The following ARHGEF3 variants were observed in gnomAD, a reference collection of about 807,000 sequenced individuals.
ARHGEF3 encodes Rho guanine nucleotide exchange factor 3, also known as 59.8 kDA protein.
Under a neutral mutation model 63.2 loss-of-function variants are expected in ARHGEF3, and 28 were observed. The observed-to-expected ratio is 0.44, with a 90% CI of 0.33 to 0.61. ARHGEF3 has a LOEUF of 0.61. ARHGEF3 is among the 20% of genes least tolerant of loss of function. ARHGEF3 has a pLI of 0.03. For synonymous variants in ARHGEF3, 266 were observed against 254.2 expected, an observed-to-expected ratio of 1.05 and a Z score of -0.44; for missense variants, 533 against 659.3, an observed-to-expected ratio of 0.81 and a Z score of 2.10.
At chr3:56,774,795 A>G (rs1188694259) in intron 1 of ARHGEF3, among the ~76,000 whole-genome samples, 2 of 151,996 alleles carry the variant, frequency 1.3e-5, no homozygotes, top group Non-Finnish European at 2.9e-5. Flanking sequence ...GCTACTCGGG[A>G]GGCGTGGGAT....
intron 1 of ARHGEF3, among the ~76,000 whole-genome samples, chr3:57,072,759 A>T (rs933424564): frequency 6.6e-6 from 1 of 151,628 alleles, no homozygotes; most frequent in Non-Finnish European, 1.5e-5. Context: ...AAAATAAATA[A>T]AAACAAGCCA....
At chr3:56,948,665 A>C (rs1699643424) in intron 3 of ARHGEF3, among the ~76,000 whole-genome samples, 1 of 152,228 alleles carries the variant, frequency 6.6e-6, no homozygotes, top group Admixed American at 6.5e-5. Flanking sequence ...AAAGTCCAGG[A>C]CCAGATGGAT....
At chr3:56,799,458 T>A (rs2037534679) in intron 1 of ARHGEF3, among the ~76,000 whole-genome samples, 1 of 152,224 alleles carries the variant, frequency 6.6e-6, no homozygotes, top group Non-Finnish European at 1.5e-5. Context: ...GATCTATTTT[T>A]CTTTTTATTA....
At chr3:56,927,377 C>T (rs1470460259) in intron 3 of ARHGEF3, among the ~76,000 whole-genome samples, 1 of 152,180 alleles carries the variant, frequency 6.6e-6, no homozygotes, top group Non-Finnish European at 1.5e-5. Flanking sequence ...TAAGTGCTGA[C>T]AATGGCTAGG....
At chr3:57,050,492 AAGAG>A (rs1349720072) in intron 1 of ARHGEF3, among the ~76,000 whole-genome samples, 1 of 151,772 alleles carries the variant, frequency 6.6e-6, no homozygotes, top group African/African-American at 2.4e-5. Context: ...AAGATAAAGA[AAGAG>A]AGAAAGAGAG....
At chr3:56,877,504 G>A (rs2040625974) in intron 4 of ARHGEF3, among the ~76,000 whole-genome samples, 1 of 151,178 alleles carries the variant, frequency 6.6e-6, no homozygotes, top group African/African-American at 2.4e-5. Flanking sequence ...CCCAAGTAGC[G>A]GCGACTACAG....
intron 3 of ARHGEF3, among the ~76,000 whole-genome samples, chr3:56,885,315 C>T (rs1284181956): frequency 6.6e-6 from 1 of 152,042 alleles, no homozygotes; most frequent in Non-Finnish European, 1.5e-5. Flanking sequence ...TAATGCCTTC[C>T]AGGTTAGGGT....
intron 3 of ARHGEF3, among the ~76,000 whole-genome samples, chr3:56,892,357 C>A (rs1479623100): frequency 6.6e-6 from 1 of 152,152 alleles, no homozygotes; most frequent in Non-Finnish European, 1.5e-5. Context: ...ATTGCATTAA[C>A]CAGAGCACTT....
At chr3:57,064,308 C>CT (rs138078621) in intron 1 of ARHGEF3, among the ~76,000 whole-genome samples, 34 of 149,152 alleles carry the variant, frequency 2.3e-4, no homozygotes, top group Non-Finnish European at 3.4e-4. Context: ...GAAATTCTTT[C>CT]TTTTTTTTTT....
intron 2 of ARHGEF3, among the ~76,000 whole-genome samples, chr3:56,966,297 A>G (rs1267190814): frequency 6.6e-6 from 1 of 152,244 alleles, no homozygotes; most frequent in Non-Finnish European, 1.5e-5. Flanking sequence ...ATACAGAATT[A>G]GGTCTGTATA....
At chr3:56,914,123 AG>A (rs544601582) in intron 3 of ARHGEF3, among the ~76,000 whole-genome samples, 141 of 152,296 alleles carry the variant, frequency 9.3e-4, no homozygotes, top group Admixed American at 2.4e-3. Context: ...TGGGGACTTG[AG>A]GGGAAGGGTG....
At chr3:56,888,773 T>G (rs916256603) in intron 3 of ARHGEF3, among the ~76,000 whole-genome samples, 2 of 151,976 alleles carry the variant, frequency 1.3e-5, no homozygotes, top group Non-Finnish European at 2.9e-5. Context: ...CATGATTGTG[T>G]GCACCTGTAA....
chr3:56,929,181 C>G (rs1465310500), intron 3 of ARHGEF3, among the ~76,000 whole-genome samples: 1 of 152,104 alleles, frequency 6.6e-6, no homozygotes, highest in East Asian at 1.9e-4. Context: ...TGGGGGATAC[C>G]AGAGTTTTTA....
rs559782890 is a variant in ARHGEF3, at chr3:56,962,550, A to G, written c.63-3661T>C. Among the ~76,000 whole-genome samples, 25 of 152,314 alleles carry G rather than the reference A, an allele frequency of 1.6e-4. No individual in the cohort carries two copies. In the South Asian group the frequency reaches 4.8e-3, roughly 29 times the overall value. On this transcript the variant is annotated intron_variant, in intron 2 of 12. Transcript: ENST00000338458. Reference sequence around the variant, plus strand: ...TTCCCAGTGTCTCACAGATGTCACAAGGATAAGTATGACCACTTCCATAGA... The same window carrying G: ...TTCCCAGTGTCTCACAGATGTCACAGGGATAAGTATGACCACTTCCATAGA...
At chr3:57,065,365 G>C (rs1705470848) in intron 1 of ARHGEF3, among the ~76,000 whole-genome samples, 1 of 152,100 alleles carries the variant, frequency 6.6e-6, no homozygotes, top group African/African-American at 2.4e-5. Flanking sequence ...GGAGGATGAG[G>C]CAGGAGAATC....
chr3:56,850,068 C>T (rs72867785), intron 4 of ARHGEF3, among the ~76,000 whole-genome samples: 1,525 of 152,246 alleles, frequency 0.01, 19 homozygotes, highest in South Asian at 0.05. Context: ...TAACACACAG[C>T]CCGAGCCTTA....
At chr3:56,959,363 C>T (rs559096393) in intron 2 of ARHGEF3, among the ~76,000 whole-genome samples, 3 of 152,210 alleles carry the variant, frequency 2.0e-5, no homozygotes, top group South Asian at 2.1e-4. Flanking sequence ...TTAGCCCCCG[C>T]GTAACAAGCT....
chr3:56,923,060 ATATATATATATATAT>A (rs1560053853), intron 3 of ARHGEF3, among the ~76,000 whole-genome samples: 1 of 14,916 alleles, frequency 6.7e-5, no homozygotes, highest in African/African-American at 1.6e-4. Context: ...ATATATATAT[ATATATATATATATAT>A]AAATTAGTTG....
intron 3 of ARHGEF3, among the ~76,000 whole-genome samples, chr3:56,944,638 G>A (rs1405168045): frequency 2.2e-5 from 3 of 137,038 alleles, no homozygotes; most frequent in Non-Finnish European, 4.5e-5. Context: ...ATGCAGTGGT[G>A]CTATCTCAGG....
Sources: gnomAD v4.1 joint callset for allele counts (sites outside exome capture counted in the v4.1 genomes callset) on GRCh38, gnomAD v4.1.1 for gene constraint, MANE v1.5 for transcripts, NCBI Gene and HGNC (gene_info 2026-07-23, HGNC 2026-07-21) for gene names.